The following DNAJC1 variants were observed in gnomAD, a reference collection of about 807,000 sequenced individuals.
The protein encoded by DNAJC1 is dnaJ homolog subfamily C member 1.
Under a neutral mutation model 76.6 loss-of-function variants are expected in DNAJC1, and 58 were observed. That is an observed-to-expected ratio of 0.76 (90% CI 0.61 to 0.94). DNAJC1 has a LOEUF of 0.94. DNAJC1 is among the 40% of genes least tolerant of loss of function. DNAJC1 has a pLI of 0.00. For synonymous variants in DNAJC1, 258 were observed against 267.9 expected, an observed-to-expected ratio of 0.96 and a Z score of 0.36; for missense variants, 689 against 677.3, an observed-to-expected ratio of 1.02 and a Z score of -0.19.
intron 1 of DNAJC1, among the ~76,000 whole-genome samples, chr10:21,933,821 G>GT (rs1482053411): frequency 6.6e-6 from 1 of 152,102 alleles, no homozygotes; most frequent in South Asian, 2.1e-4. Flanking sequence ...ACAGTGCAAT[G>GT]TATCTATTCA....
intron 8 of DNAJC1, among the ~76,000 whole-genome samples, chr10:21,861,207 G>T (rs1835912801): frequency 6.6e-6 from 1 of 151,976 alleles, no homozygotes; most frequent in African/African-American, 2.4e-5. Context: ...AAAAGGCAAA[G>T]AAATTCAAAC....
At chr10:21,816,999 A>AC (rs1835088452) in intron 8 of DNAJC1, among the ~76,000 whole-genome samples, 1 of 139,662 alleles carries the variant, frequency 7.2e-6, no homozygotes, top group Non-Finnish European at 1.6e-5. Flanking sequence ...CTAAAAATAC[A>AC]AAAAAAAAAA....
chr10:21,785,229 C>T (rs1834589933), intron 9 of DNAJC1: 1 of 152,196 alleles, frequency 6.6e-6, no homozygotes, highest in Admixed American at 6.5e-5. Flanking sequence ...GCATTACTGC[C>T]AATTTCCCAT....
intron 8 of DNAJC1, among the ~76,000 whole-genome samples, chr10:21,818,602 C>G (rs1835111426): frequency 6.6e-6 from 1 of 152,150 alleles, no homozygotes; most frequent in South Asian, 2.1e-4. Context: ...AAACTGCCGA[C>G]ATGTGATGTC....
chr10:21,809,195 A>G (rs549582110), intron 8 of DNAJC1, among the ~76,000 whole-genome samples: 73 of 152,206 alleles, frequency 4.8e-4, no homozygotes, highest in African/African-American at 1.6e-3. Flanking sequence ...TGGACTATAA[A>G]ATGTTAATTA....
At chr10:21,870,283 A>C (rs890928571) in intron 8 of DNAJC1, among the ~76,000 whole-genome samples, 1 of 152,138 alleles carries the variant, frequency 6.6e-6, no homozygotes, top group South Asian at 2.1e-4. Context: ...TTTTAGCAAA[A>C]CTAGAAAGAA....
At chr10:21,866,680 C>T (rs1836006774) in intron 8 of DNAJC1, among the ~76,000 whole-genome samples, 1 of 152,040 alleles carries the variant, frequency 6.6e-6, no homozygotes, top group African/African-American at 2.4e-5. Flanking sequence ...AGTTAACAGG[C>T]TTTAATTAAT....
chr10:22,000,511 C>T (rs1838501532), intron 1 of DNAJC1, among the ~76,000 whole-genome samples: 1 of 152,266 alleles, frequency 6.6e-6, no homozygotes, highest in Admixed American at 6.5e-5. Context: ...TCCAGCCACA[C>T]TGCCTGCCTT....
intron 1 of DNAJC1, among the ~76,000 whole-genome samples, chr10:21,941,193 C>T (rs1420111090): frequency 3.6e-5 from 5 of 138,788 alleles, no homozygotes; most frequent in African/African-American, 1.3e-4. Context: ...GGCGGGAACC[C>T]GGTAGGCAGA....
chr10:21,816,628 C>T (rs1310316195), intron 8 of DNAJC1, among the ~76,000 whole-genome samples: 1 of 150,228 alleles, frequency 6.7e-6, no homozygotes, highest in African/African-American at 2.4e-5. Flanking sequence ...TCACTGAAAG[C>T]TCCGCCTCCC....
chr10:21,985,221 C>CCCA (rs1838223143), intron 1 of DNAJC1, among the ~76,000 whole-genome samples: 1 of 151,502 alleles, frequency 6.6e-6, no homozygotes, highest in Admixed American at 6.6e-5. Flanking sequence ...GCAATCAATC[C>CCCA]CCATCCCCAG....
chr10:21,771,483 G>C (rs907012073), intron 9 of DNAJC1, among the ~76,000 whole-genome samples: 7 of 151,964 alleles, frequency 4.6e-5, no homozygotes, highest in Non-Finnish European at 7.4e-5. Flanking sequence ...ATAGTGCAAG[G>C]GTGTTGGGTT....
intron 1 of DNAJC1, among the ~76,000 whole-genome samples, chr10:21,964,646 C>T (rs1313852677): frequency 6.6e-6 from 1 of 150,982 alleles, no homozygotes; most frequent in African/African-American, 2.4e-5. Context: ...TTTGCATCTG[C>T]TAATCATTTT....
intron 10 of DNAJC1, among the ~76,000 whole-genome samples, chr10:21,760,902 G>A (rs759641029): frequency 6.6e-6 from 1 of 152,232 alleles, no homozygotes; most frequent in African/African-American, 2.4e-5. Context: ...TAGGCCAGGT[G>A]CAGTGTGGCT....
intron 6 of DNAJC1, among the ~76,000 whole-genome samples, chr10:21,905,056 A>G (rs998143460): frequency 2.0e-5 from 3 of 152,122 alleles, no homozygotes; most frequent in African/African-American, 4.8e-5. Context: ...ATCTGATTAT[A>G]AAACTTATAC....
At chr10:21,838,173 C>G (rs1234171142) in intron 8 of DNAJC1, among the ~76,000 whole-genome samples, 1 of 151,924 alleles carries the variant, frequency 6.6e-6, no homozygotes, top group South Asian at 2.1e-4. Flanking sequence ...GCGGTTTTGT[C>G]GAATAGAAAA....
intron 8 of DNAJC1, among the ~76,000 whole-genome samples, chr10:21,856,758 C>T (rs2666778): frequency 0.65 from 97,661 of 151,170 alleles, 32,266 homozygotes; most frequent in East Asian, 0.98. Context: ...TTTTTTGAGA[C>T]AGAGTCTCAC....
chr10:21,790,315 C>T (rs1589981528), intron 9 of DNAJC1, among the ~76,000 whole-genome samples: 1 of 151,666 alleles, frequency 6.6e-6, no homozygotes, highest in Non-Finnish European at 1.5e-5. Flanking sequence ...CATCCAGAGA[C>T]CCCCAAATAG....
intron 8 of DNAJC1, among the ~76,000 whole-genome samples, chr10:21,814,939 T>C (rs1835051075): frequency 6.6e-6 from 1 of 152,148 alleles, no homozygotes; most frequent in South Asian, 2.1e-4. Context: ...TAAGAGATTT[T>C]ATCTCAGTAA....
Sources: allele counts gnomAD v4.1 joint callset (sites outside exome capture counted in the v4.1 genomes callset), GRCh38; gene constraint gnomAD v4.1.1; transcripts MANE v1.5; gene names NCBI Gene and HGNC (gene_info 2026-07-23, HGNC 2026-07-21).